The following SEC11A variants were observed in gnomAD, a reference collection of about 807,000 sequenced individuals.
SEC11A encodes signal peptidase complex catalytic subunit SEC11A.
A neutral mutation model predicts 25.6 loss-of-function variants in SEC11A; 14 were observed. The observed-to-expected ratio is 0.55, with a 90% CI of 0.36 to 0.85. The LOEUF is 0.85. Among genes scored for constraint, SEC11A ranks in the 40% least tolerant of loss-of-function variants. The probability of loss-of-function intolerance (pLI) is 0.01; values close to 1 mark genes in which losing one functional copy is unlikely to be tolerated. For missense variants in SEC11A, 153 were observed against 222.9 expected (o/e 0.69, Z 2.00); for synonymous variants, 83 against 76.4 (o/e 1.09, Z -0.45).
intron 1 of SEC11A, among the ~76,000 whole-genome samples, chr15:84,707,254 C>T (rs1414977386): frequency 1.4e-5 from 2 of 143,890 alleles, no homozygotes; most frequent in Admixed American, 7.3e-5. Context: ...GGCGCAATCT[C>T]GGCTCACTGT....
intron 1 of SEC11A, among the ~76,000 whole-genome samples, chr15:84,709,535 T>A (rs1322192669): frequency 6.6e-6 from 1 of 151,730 alleles, no homozygotes; most frequent in Non-Finnish European, 1.5e-5. Context: ...CACCGTCTCC[T>A]GGGTTCAAGC....
At chr15:84,685,829 G>C (rs1897406984) in intron 3 of SEC11A, 1 of 119,418 alleles carries the variant, frequency 8.4e-6, no homozygotes, top group Non-Finnish European at 1.6e-5. Context: ...TTGAGATGGA[G>C]TCTCACTCTG....
chr15:84,709,529 G>A (rs1898198921), intron 1 of SEC11A, among the ~76,000 whole-genome samples: 5 of 152,010 alleles, frequency 3.3e-5, no homozygotes, highest in Admixed American at 2.6e-4. Flanking sequence ...TACGACCACC[G>A]TCTCCTGGGT....
chr15:84,691,962 C>G (rs563836533), intron 1 of SEC11A: 4 of 182,066 alleles, frequency 2.2e-5, no homozygotes, highest in Non-Finnish European at 4.5e-5. Flanking sequence ...ATCACTCATG[C>G]TACTTACCAG....
chr15:84,679,986 TA>T, intron 4 of SEC11A: 1 of 1,495,048 alleles, frequency 6.7e-7, no homozygotes, highest in Non-Finnish European at 9.0e-7. Context: ...CAAACAGGCT[TA>T]ATATAACTTT....
intron 4 of SEC11A, among the ~76,000 whole-genome samples, chr15:84,679,017 G>T (rs1424331010): frequency 6.7e-6 from 1 of 149,278 alleles, no homozygotes; most frequent in Non-Finnish European, 1.5e-5. Flanking sequence ...GCAAAAAAAA[G>T]TACTCATTAA....
chr15:84,701,893 C>T (rs919176593), intron 1 of SEC11A, among the ~76,000 whole-genome samples: 1 of 151,202 alleles, frequency 6.6e-6, no homozygotes, highest in African/African-American at 2.4e-5. Flanking sequence ...ATGGTGAAAC[C>T]CCATCTTCAC....
intron 1 of SEC11A, among the ~76,000 whole-genome samples, chr15:84,707,571 T>G (rs1383172721): frequency 6.6e-6 from 1 of 152,154 alleles, no homozygotes; most frequent in African/African-American, 2.4e-5. Flanking sequence ...ATAAACCATG[T>G]TTTTTGGACA....
intron 4 of SEC11A, among the ~76,000 whole-genome samples, chr15:84,674,402 A>T (rs1172257480): frequency 6.6e-6 from 1 of 152,092 alleles, no homozygotes; most frequent in Non-Finnish European, 1.5e-5. Flanking sequence ...CTACTAAAAC[A>T]TTAAGCTGCT....
chr15:84,700,972 G>A (rs138499492), intron 1 of SEC11A, among the ~76,000 whole-genome samples: 71 of 81,224 alleles, frequency 8.7e-4, no homozygotes, highest in East Asian at 3.5e-3. Context: ...CAACAAGAGC[G>A]AAACTCCATA....
intron 4 of SEC11A, among the ~76,000 whole-genome samples, chr15:84,680,193 C>T (rs1354664471): frequency 6.6e-6 from 1 of 150,928 alleles, no homozygotes. Flanking sequence ...CCCAGCTACT[C>T]GGGAGGCTGA....
At chr15:84,683,155 C>G (rs1897322520) in intron 3 of SEC11A, among the ~76,000 whole-genome samples, 1 of 152,042 alleles carries the variant, frequency 6.6e-6, no homozygotes, top group Non-Finnish European at 1.5e-5. Context: ...AGGAAAAATT[C>G]TGAAGGGTAA....
intron 4 of SEC11A, among the ~76,000 whole-genome samples, chr15:84,680,423 G>C (rs1897257496): frequency 6.6e-6 from 1 of 152,100 alleles, no homozygotes; most frequent in African/African-American, 2.4e-5. Context: ...ACTATTTCTT[G>C]AGTGAACCAA....
intron 1 of SEC11A, among the ~76,000 whole-genome samples, chr15:84,715,352 T>G (rs1364604661): frequency 1.3e-5 from 2 of 152,120 alleles, no homozygotes; most frequent in African/African-American, 4.8e-5. Flanking sequence ...ATCTAGAAGA[T>G]CAAAGTAAAG....
At chr15:84,699,474 G>A (rs1897863625) in intron 1 of SEC11A, among the ~76,000 whole-genome samples, 2 of 152,174 alleles carry the variant, frequency 1.3e-5, no homozygotes, top group South Asian at 2.1e-4. Flanking sequence ...CTATATGACT[G>A]TGTTCAGGTA....
intron 4 of SEC11A, chr15:84,679,229 A>T: frequency 1.6e-6 from 2 of 1,217,656 alleles, no homozygotes; most frequent in Non-Finnish European, 2.2e-6. Flanking sequence ...TAATCACATT[A>T]GCAGCATCTT....
At chr15:84,678,724 G>T (rs575388800) in intron 4 of SEC11A, among the ~76,000 whole-genome samples, 37 of 152,214 alleles carry the variant, frequency 2.4e-4, no homozygotes, top group African/African-American at 8.4e-4. Flanking sequence ...TGGGTGCCGT[G>T]GCTCATGCCT....
intron 4 of SEC11A, chr15:84,671,600 T>C (rs553827770): frequency 4.6e-5 from 7 of 152,328 alleles, no homozygotes; most frequent in African/African-American, 1.4e-4. Context: ...TTATAATAAT[T>C]ATCATACTTT....
At chr15:84,714,051 C>G (rs1898378383) in intron 1 of SEC11A, among the ~76,000 whole-genome samples, 1 of 113,950 alleles carries the variant, frequency 8.8e-6, no homozygotes, top group Admixed American at 1.2e-4. Flanking sequence ...GAGACGGAGT[C>G]TCACTCTGTC....
Sources: allele counts gnomAD v4.1 joint callset (sites outside exome capture counted in the v4.1 genomes callset), GRCh38; gene constraint gnomAD v4.1.1; transcripts MANE v1.5; gene names NCBI Gene and HGNC (gene_info 2026-07-23, HGNC 2026-07-21).